Variants in CRPPA observed in about 807,000 individuals in gnomAD.
CRPPA encodes the protein CDP-L-ribitol pyrophosphorylase A.
In CRPPA, 43 loss-of-function variants were observed where a neutral mutation model predicts 52.0. The observed-to-expected ratio is 0.83, with a 90% CI of 0.65 to 1.07. The LOEUF is 1.07. Among genes scored for constraint, CRPPA ranks in the 50% least tolerant of loss-of-function variants. The pLI is 0.00. For synonymous variants in CRPPA, 250 were observed against 203.5 expected, an observed-to-expected ratio of 1.23 and a Z score of -1.94; for missense variants, 629 against 551.7, an observed-to-expected ratio of 1.14 and a Z score of -1.40.
At chr7:16,181,099 G>A (rs1583412617) in intron 9 of CRPPA, among the ~76,000 whole-genome samples, 2 of 151,806 alleles carry the variant, frequency 1.3e-5, no homozygotes, top group South Asian at 2.1e-4. Flanking sequence ...TCCTCATAAC[G>A]TTTTTATCTC....
At chr7:16,257,876 T>C (rs1783685421) in intron 8 of CRPPA, among the ~76,000 whole-genome samples, 1 of 152,120 alleles carries the variant, frequency 6.6e-6, no homozygotes, top group African/African-American at 2.4e-5. Context: ...TGTATACTTT[T>C]AGATTTTCAT....
chr7:16,375,403 T>C lies in CRPPA; in HGVS notation c.684+689A>G, dbSNP rs115936022. ...GTGCAAACAAATGACAATAAAATTATGTAAGTACAGCAGCATTTCCAAAAC... is the reference window on the plus strand; with the variant it reads ...GTGCAAACAAATGACAATAAAATTACGTAAGTACAGCAGCATTTCCAAAAC... On this transcript the variant is annotated intron_variant, in intron 3 of 9. Transcript: ENST00000407010. 1.8e-3 allele frequency among the ~76,000 whole-genome samples: 279 copies of C among 152,342 alleles called. 1 individual carries two copies. Among genetic ancestry groups the C allele is most frequent in the African/African-American group, 6.6e-3 (274 of 41,588 alleles).
At chr7:16,177,542 G>C (rs1456904805) in intron 9 of CRPPA, among the ~76,000 whole-genome samples, 1 of 151,868 alleles carries the variant, frequency 6.6e-6, no homozygotes, top group African/African-American at 2.4e-5. Flanking sequence ...ATAACCCAGA[G>C]AACAAAAGAA....
intron 8 of CRPPA, among the ~76,000 whole-genome samples, chr7:16,249,421 G>T (rs1319063538): frequency 1.3e-5 from 2 of 152,204 alleles, no homozygotes; most frequent in African/African-American, 4.8e-5. Flanking sequence ...TGACACCCGC[G>T]TAGCCTGACT....
Position 16,135,066 on chromosome 7 carries a change from C to T in CRPPA, c.1252-43267G>A, listed in dbSNP as rs992795094. On this transcript the variant is annotated intron_variant, in intron 9 of 9. Transcript: ENST00000407010. Reference sequence around the variant, plus strand: ...GGAATCCTTGGCCAATATCTCAAAGCCATATTATTCCAGTATTCCTGGAGG... The same window carrying T: ...GGAATCCTTGGCCAATATCTCAAAGTCATATTATTCCAGTATTCCTGGAGG... 2.6e-5 allele frequency among the ~76,000 whole-genome samples: 4 copies of T among 152,096 alleles called. No individual in the cohort carries two copies. The South Asian group carries it at 6.2e-4, about 24-fold the overall frequency.
intron 3 of CRPPA, among the ~76,000 whole-genome samples, chr7:16,320,027 C>T (rs1785224762): frequency 1.3e-5 from 2 of 152,228 alleles, no homozygotes; most frequent in Admixed American, 1.3e-4. Context: ...TGTAATTTGG[C>T]CTTCTCCAAG....
At chr7:16,383,691 G>C (rs988964428) in intron 2 of CRPPA, among the ~76,000 whole-genome samples, 1 of 152,220 alleles carries the variant, frequency 6.6e-6, no homozygotes, top group African/African-American at 2.4e-5. Flanking sequence ...AAGCAAGCCT[G>C]GGCAATGGCA....
At chr7:16,171,278 T>C (rs978182204) in intron 9 of CRPPA, among the ~76,000 whole-genome samples, 3 of 152,230 alleles carry the variant, frequency 2.0e-5, no homozygotes, top group African/African-American at 7.2e-5. Context: ...CCCTTTATGA[T>C]TAAAAAGCTA....
chr7:16,097,495 G>A (rs1781958978), intron 9 of CRPPA, among the ~76,000 whole-genome samples: 2 of 152,144 alleles, frequency 1.3e-5, no homozygotes, highest in Non-Finnish European at 2.9e-5. Context: ...AATACACCAT[G>A]TTTGGGTGAA....
chr7:16,399,921 G>T (rs532191663), intron 2 of CRPPA, among the ~76,000 whole-genome samples: 1 of 151,930 alleles, frequency 6.6e-6, no homozygotes, highest in African/African-American at 2.4e-5. Context: ...TGTGTGACAG[G>T]CGTGTTATGT....
chr7:16,368,783 T>C (rs565926872), intron 3 of CRPPA, among the ~76,000 whole-genome samples: 1 of 152,148 alleles, frequency 6.6e-6, no homozygotes, highest in Non-Finnish European at 1.5e-5. Flanking sequence ...ACCACACTTA[T>C]AAAAATGCTG....
At chr7:16,224,627 A>T (rs1782602776) in intron 8 of CRPPA, among the ~76,000 whole-genome samples, 1 of 152,150 alleles carries the variant, frequency 6.6e-6, no homozygotes, top group South Asian at 2.1e-4. Flanking sequence ...TAGCTGCAAA[A>T]TTATCAACAT....
intron 5 of CRPPA, among the ~76,000 whole-genome samples, chr7:16,301,063 C>T (rs921824745): frequency 6.6e-6 from 1 of 152,080 alleles, no homozygotes; most frequent in Non-Finnish European, 1.5e-5. Flanking sequence ...TGTACCGACA[C>T]GACACTGTTA....
chr7:16,376,124 GA>G lies in CRPPA; in HGVS notation c.651del (p.Leu218TyrfsTer4). 1 of 1,607,912 alleles carries G rather than the reference GA, an allele frequency of 6.2e-7. No individual in the cohort carries two copies. The highest frequency in any genetic ancestry group is 8.5e-7 in the Non-Finnish European group (1 of 1,177,112). On this transcript the variant is annotated frameshift_variant, in exon 3 of 10. Transcript: ENST00000407010. LOFTEE classifies it high-confidence loss of function. Reference sequence around the variant, plus strand: ...TATGCTTCATAAATCACATCAAATAGAAAAGCTTGGGGCATTTCACTTGCTC... The same window carrying G: ...TATGCTTCATAAATCACATCAAATAGAAAGCTTGGGGCATTTCACTTGCTC... ...RHRASEMPQA[F>X]LFDVIYEAYQ... is the part of the protein sequence containing the mutation.
rs190457766 is a variant in CRPPA, at chr7:16,276,287, G to A, written c.933+1842C>T. Reference sequence around the variant, plus strand: ...CTAAAGAAATAATGTCAAATAAAAAGATTCGAAACTACACAGAAGCATCCA... The same window carrying A: ...CTAAAGAAATAATGTCAAATAAAAAAATTCGAAACTACACAGAAGCATCCA... On this transcript the variant is annotated intron_variant, in intron 6 of 9. Coordinates refer to ENST00000407010, the MANE Select transcript of CRPPA (RefSeq NM_001101426.4). Among the ~76,000 whole-genome samples the A allele has an allele frequency of 1.3e-3, 191 of 152,120 alleles. 2 individuals are homozygous for A. The highest frequency in any genetic ancestry group is 4.4e-3 in the African/African-American group (183 of 41,520).
chr7:16,248,032 CAGA>C (rs1180204676), intron 8 of CRPPA: 10 of 152,000 alleles, frequency 6.6e-5, no homozygotes, highest in African/African-American at 2.4e-4. Flanking sequence ...TAGCAATGAA[CAGA>C]AGAACTAACA....
chr7:16,299,267 A>T (rs1442963546), intron 5 of CRPPA, among the ~76,000 whole-genome samples: 1 of 152,162 alleles, frequency 6.6e-6, no homozygotes, highest in Non-Finnish European at 1.5e-5. Flanking sequence ...CCTTGAGTAC[A>T]AGTCATAAAT....
chr7:16,179,154 C>T (rs996361574), intron 9 of CRPPA, among the ~76,000 whole-genome samples: 2 of 151,994 alleles, frequency 1.3e-5, no homozygotes, highest in Non-Finnish European at 2.9e-5. Context: ...TTACAGTTTC[C>T]TTAACAAGTA....
intron 3 of CRPPA, among the ~76,000 whole-genome samples, chr7:16,368,482 G>A (rs1219237436): frequency 1.3e-5 from 2 of 152,128 alleles, no homozygotes; most frequent in Non-Finnish European, 2.9e-5. Flanking sequence ...AAATACAATA[G>A]ATTTTGACTT....
Sources: gnomAD v4.1 joint callset for allele counts (sites outside exome capture counted in the v4.1 genomes callset) on GRCh38, gnomAD v4.1.1 for gene constraint, MANE v1.5 for transcripts, NCBI Gene and HGNC (gene_info 2026-07-23, HGNC 2026-07-21) for gene names.